Variants in SLC44A5 observed in about 807,000 individuals in gnomAD.
SLC44A5 encodes the protein choline transporter-like protein 5.
SLC44A5 carries 57 observed loss-of-function variants against 101.8 expected under a neutral mutation model. The ratio of observed to expected loss-of-function variants is 0.56; its 90% CI spans 0.45 to 0.70. The LOEUF (loss-of-function observed/expected upper bound fraction) is 0.70, where lower values mean the gene tolerates loss of function less well. Among genes scored for constraint, SLC44A5 ranks in the 30% least tolerant of loss-of-function variants. The pLI is 0.00. For synonymous variants in SLC44A5, 281 were observed against 290.9 expected (o/e 0.97, Z 0.35); for missense variants, 737 against 853.1 (o/e 0.86, Z 1.70).
chr1:75,551,606 A>G (rs182647109), intron 1 of SLC44A5, among the ~76,000 whole-genome samples: 3 of 152,152 alleles, frequency 2.0e-5, no homozygotes, highest in South Asian at 4.2e-4. Flanking sequence ...GAAGGGATCA[A>G]TTTGCCTGGG....
chr1:75,393,722 G>A (rs1661945562), intron 3 of SLC44A5, among the ~76,000 whole-genome samples: 1 of 152,144 alleles, frequency 6.6e-6, no homozygotes, highest in South Asian at 2.1e-4. Flanking sequence ...TTGAAAATAG[G>A]AACTGTAATT....
intron 2 of SLC44A5, among the ~76,000 whole-genome samples, chr1:75,458,570 A>T (rs115422443): frequency 6.6e-6 from 1 of 152,182 alleles, no homozygotes. Flanking sequence ...ACATTACAGA[A>T]GGATAGAGTG....
intron 5 of SLC44A5, among the ~76,000 whole-genome samples, chr1:75,298,042 A>G (rs1412729233): frequency 6.6e-6 from 1 of 152,254 alleles, no homozygotes; most frequent in Admixed American, 6.5e-5. Context: ...AGATAAGTCT[A>G]CAAAGGCACT....
chr1:75,662,036 C>T, the SLC44A5 span, among the ~76,000 whole-genome samples: 2 of 152,126 alleles, frequency 1.3e-5, no homozygotes, highest in East Asian at 3.9e-4. Flanking sequence ...ATTGAAGAGA[C>T]ATCTGCACTC....
At chr1:75,553,122 T>C (rs1672031801) in intron 1 of SLC44A5, among the ~76,000 whole-genome samples, 1 of 152,148 alleles carries the variant, frequency 6.6e-6, no homozygotes, top group Non-Finnish European at 1.5e-5. Context: ...GATTTCTTAT[T>C]TTGTTCTTCA....
At chr1:75,670,544 T>C in the SLC44A5 span, among the ~76,000 whole-genome samples, 1 of 152,322 alleles carries the variant, frequency 6.6e-6, no homozygotes, top group Middle Eastern at 3.4e-3. Context: ...TATATAAATA[T>C]GCTTAATAAT....
intron 1 of SLC44A5, among the ~76,000 whole-genome samples, chr1:75,585,158 A>G (rs1420077750): frequency 1.3e-5 from 2 of 152,196 alleles, no homozygotes; most frequent in Non-Finnish European, 2.9e-5. Flanking sequence ...GCAATGATTT[A>G]AGAAAATTTG....
chr1:75,248,076 A>G (rs1490869257), intron 7 of SLC44A5, among the ~76,000 whole-genome samples: 1 of 152,096 alleles, frequency 6.6e-6, no homozygotes, highest in African/African-American at 2.4e-5. Context: ...GTGAGACAGG[A>G]ACCAAATGAC....
At position 75,541,460 on chromosome 1, in the gene SLC44A5, CT is replaced by C; in HGVS notation, c.-14del. ...CTGTGTCATTCATTGAGATAAAAGG[CT>C]GTCTCTTCAGAAGTAGGCCTGAATC... On this transcript the variant is annotated 5_prime_UTR_variant, in exon 2 of 24. Transcript: ENST00000370859. 1.2e-6 allele frequency: 2 copies of C among 1,611,776 alleles called. No homozygotes were observed. The highest frequency in any genetic ancestry group is 1.7e-6 in the Non-Finnish European group (2 of 1,178,534).
chr1:75,215,699 CA>C, intron 19 of SLC44A5, 54 bp downstream of exon 19: 2 of 1,045,840 alleles, frequency 1.9e-6, no homozygotes, highest in Non-Finnish European at 3.0e-6. Flanking sequence ...AATGTAGACA[CA>C]AGGTTTGGGA....
chr1:75,450,062 A>T (rs1305584158), intron 2 of SLC44A5, among the ~76,000 whole-genome samples: 4 of 152,168 alleles, frequency 2.6e-5, no homozygotes, highest in Admixed American at 2.6e-4. Flanking sequence ...TATTTAATTC[A>T]AGAAGAAAAA....
At chr1:75,476,864 T>G (rs1667442728) in intron 2 of SLC44A5, among the ~76,000 whole-genome samples, 1 of 152,356 alleles carries the variant, frequency 6.6e-6, no homozygotes, top group South Asian at 2.1e-4. Flanking sequence ...CTCTGCAGAC[T>G]TAAATGTTCC....
chr1:75,359,137 C>T (rs1287007997), intron 3 of SLC44A5, among the ~76,000 whole-genome samples: 2 of 148,770 alleles, frequency 1.3e-5, no homozygotes, highest in East Asian at 2.0e-4. Context: ...GCCCTCCAGG[C>T]GGCTCCATGT....
intron 3 of SLC44A5, among the ~76,000 whole-genome samples, chr1:75,356,631 T>A (rs1350285374): frequency 3.9e-5 from 6 of 152,150 alleles, no homozygotes; most frequent in Non-Finnish European, 7.4e-5. Context: ...AAATACACAG[T>A]AATATACAGT....
chr1:75,483,618 ACAATTTG>A (rs201141985), intron 2 of SLC44A5, among the ~76,000 whole-genome samples: 3,204 of 152,274 alleles, frequency 0.021, 123 homozygotes, highest in African/African-American at 0.073. Context: ...ATATTTGTTT[ACAATTTG>A]TTAATTTCAA....
chr1:75,268,015 C>T (rs576375661), intron 6 of SLC44A5, among the ~76,000 whole-genome samples: 66 of 152,184 alleles, frequency 4.3e-4, no homozygotes, highest in Non-Finnish European at 6.5e-4. Context: ...GTTGGAACAC[C>T]TTTCTATGTC....
intron 3 of SLC44A5, among the ~76,000 whole-genome samples, chr1:75,363,679 T>C (rs576274119): frequency 1.3e-5 from 2 of 152,292 alleles, no homozygotes; most frequent in African/African-American, 4.8e-5. Flanking sequence ...GTTTTACCTC[T>C]CATATTAGAG....
intron 2 of SLC44A5, among the ~76,000 whole-genome samples, chr1:75,514,016 A>AT (rs939205965): frequency 2.6e-5 from 4 of 151,506 alleles, no homozygotes; most frequent in South Asian, 2.1e-4. Context: ...TTTAAAAAAA[A>AT]TTTTTTTTTG....
the SLC44A5 span, among the ~76,000 whole-genome samples, chr1:75,689,782 C>T: frequency 6.6e-6 from 1 of 152,178 alleles, no homozygotes; most frequent in African/African-American, 2.4e-5. Context: ...TGATCTGGTT[C>T]CTACATTTCC....
Sources: gnomAD v4.1 joint callset for allele counts (sites outside exome capture counted in the v4.1 genomes callset) on GRCh38, gnomAD v4.1.1 for gene constraint, MANE v1.5 for transcripts, NCBI Gene and HGNC (gene_info 2026-07-23, HGNC 2026-07-21) for gene names.